Variants in NUP155 observed in about 807,000 individuals in gnomAD.
NUP155 encodes the protein nucleoporin 155, also known as nuclear pore complex protein Nup155.
NUP155 carries 71 observed loss-of-function variants against 180.4 expected under a neutral mutation model. The observed-to-expected ratio is 0.39, with a 90% CI of 0.33 to 0.48. NUP155 has a LOEUF of 0.48. Among genes scored for constraint, NUP155 ranks in the 20% least tolerant of loss-of-function variants. The probability of loss-of-function intolerance (pLI) is 0.91; values close to 1 mark genes in which losing one functional copy is unlikely to be tolerated. For missense variants in NUP155, 1,553 were observed against 1,648.9 expected (o/e 0.94, Z 1.01); for synonymous variants, 582 against 559.5 (o/e 1.04, Z -0.57).
chr5:37,317,115 G>T (rs1013973834), intron 21 of NUP155, among the ~76,000 whole-genome samples: 20 of 151,918 alleles, frequency 1.3e-4, no homozygotes, highest in Non-Finnish European at 2.9e-4. Context: ...CTTGCAGTGA[G>T]CCGAGATCAT....
At chr5:37,324,370 A>T (rs1744444868) in intron 19 of NUP155, among the ~76,000 whole-genome samples, 1 of 152,172 alleles carries the variant, frequency 6.6e-6, no homozygotes, top group African/African-American at 2.4e-5. Flanking sequence ...CCAGACCACA[A>T]TACAGAAATT....
At chr5:37,335,159 A>C (rs999807348) in intron 12 of NUP155, among the ~76,000 whole-genome samples, 1 of 144,616 alleles carries the variant, frequency 6.9e-6, no homozygotes, top group Admixed American at 6.9e-5. Flanking sequence ...CTCTGTCACA[A>C]AAAAAAAAAA....
At position 37,331,933 on chromosome 5, in the gene NUP155, G is replaced by T; in HGVS notation, c.1519-138C>A. ...CAATACAAAGTAGGCTGGGTATGGT[G>T]GCCCACATTTGTATTTCCAGCACAT... is the stretch of plus-strand genomic sequence containing the variant. On this transcript the variant is annotated intron_variant, in intron 13 of 34. Transcript: ENST00000231498. The T allele has an allele frequency of 6.1e-6, 4 of 660,408 alleles. No individual in the cohort carries two copies. In the Admixed American group the frequency reaches 9.2e-5, roughly 15 times the overall value. 40.9% of individuals were successfully genotyped at this position (660,408 alleles called of 1,614,324 possible). A position where few individuals can be genotyped will look rare whatever the true frequency, so the allele number is the denominator to read the frequency against.
In NUP155 at chr5:37,351,361, T is replaced by G. The variant is rs747335435; in HGVS notation, c.557-5A>C. 8 of 1,606,120 alleles carry G rather than the reference T, an allele frequency of 5.0e-6. No homozygotes were observed. The highest frequency in any genetic ancestry group is 5.1e-6 in the Non-Finnish European group (6 of 1,173,534). Reference sequence around the variant, plus strand: ...TATCATTAAGAACTCCAGAACCTATTTAAGAAAGAATACATAAATCAGTTT... The same window carrying G: ...TATCATTAAGAACTCCAGAACCTATGTAAGAAAGAATACATAAATCAGTTT... On this transcript the variant is annotated splice_region_variant and splice_polypyrimidine_tract_variant and intron_variant, in intron 5 of 34. Transcript: ENST00000231498.
In NUP155 at chr5:37,296,069, C is replaced by T. The variant is rs1581126790; in HGVS notation, c.3794-1604G>A. 3.4e-5 allele frequency among the ~76,000 whole-genome samples: 5 copies of T among 148,928 alleles called. No individual in the cohort carries two copies. The South Asian group carries it at 8.7e-4, about 26-fold the overall frequency. ...GAGGGAGGTGGGGGGGTCAGCCCCCCGCCCGGCCAGCCGCCCCGTCCGGGA... is the reference window on the plus strand; with the variant it reads ...GAGGGAGGTGGGGGGGTCAGCCCCCTGCCCGGCCAGCCGCCCCGTCCGGGA... On this transcript the variant is annotated intron_variant, in intron 32 of 34. Transcript: ENST00000231498.
At chr5:37,367,340 G>A (rs569539246) in intron 1 of NUP155, among the ~76,000 whole-genome samples, 4 of 151,234 alleles carry the variant, frequency 2.6e-5, no homozygotes, top group South Asian at 2.1e-4. Context: ...TCAGCCTCCC[G>A]AGATGCCAGG....
chr5:37,333,737 T>A, intron 12 of NUP155, 104 bp from the exon 13 acceptor site: 1 of 750,122 alleles, frequency 1.3e-6, no homozygotes, highest in Non-Finnish European at 2.2e-6. Flanking sequence ...AATAGTACAT[T>A]AACATGAATA....
intron 20 of NUP155, among the ~76,000 whole-genome samples, chr5:37,321,716 C>T (rs1011260262): frequency 6.6e-6 from 1 of 151,912 alleles, no homozygotes; most frequent in East Asian, 1.9e-4. Flanking sequence ...GACTCTGCCT[C>T]GGCAGGGGCA....
In NUP155 at chr5:37,318,031, T is replaced by G; in HGVS notation, c.2262A>C (p.Gly754=). 1 of 1,613,240 alleles carries G rather than the reference T, an allele frequency of 6.2e-7. No homozygotes were observed. Among genetic ancestry groups the G allele is most frequent in the Non-Finnish European group, 8.5e-7 (1 of 1,179,160 alleles). Reference sequence around the variant, plus strand: ...GTTCCTGTTGCATTTGCTGGGGATTTCCGTTTTCAGGACGCATGAATCCTA... The same window carrying G: ...GTTCCTGTTGCATTTGCTGGGGATTGCCGTTTTCAGGACGCATGAATCCTA... ...RLIGFMRPEN[G]NPQQMQQELQ... is the part of the protein sequence containing the mutation. Residue 754 remains glycine (G), a synonymous_variant, in exon 21 of 35, where the codon GGA becomes GGC. Transcript: ENST00000231498.
At chr5:37,351,403 T>C in intron 5 of NUP155, 47 bp from the exon 6 acceptor site, 1 of 1,349,736 alleles carries the variant, frequency 7.4e-7, no homozygotes, top group Non-Finnish European at 1.1e-6. Context: ...TACTCCACAG[T>C]TTTTAAAAAT....
intron 11 of NUP155, among the ~76,000 whole-genome samples, chr5:37,340,455 AG>A (rs1745640782): frequency 6.6e-6 from 1 of 152,086 alleles, no homozygotes; most frequent in African/African-American, 2.4e-5. Flanking sequence ...AAAAAAAAAA[AG>A]ATCAAAGTTG....
Position 37,298,985 on chromosome 5 carries a change from C to A in NUP155, c.3683-7G>T, listed in dbSNP as rs201643769. ...GTCACACTGTCACTCAATTCTGTAA[C>A]AAAAAGACATGTCATTTGAAACCCA... On this transcript the variant is annotated splice_region_variant and splice_polypyrimidine_tract_variant and intron_variant, in intron 31 of 34. Transcript: ENST00000231498. 2.0e-6 allele frequency: 3 copies of A among 1,511,184 alleles called. No individual in the cohort carries two copies. In the East Asian group the frequency reaches 6.8e-5, roughly 34 times the overall value. 93.6% of individuals were successfully genotyped at this position (1,511,184 alleles called of 1,614,324 possible).
At chr5:37,295,735 C>T (rs1196877564) in intron 32 of NUP155, among the ~76,000 whole-genome samples, 1 of 151,880 alleles carries the variant, frequency 6.6e-6, no homozygotes, top group East Asian at 1.9e-4. Flanking sequence ...TCTGCCCGGC[C>T]ACCCCGTCTG....
chr5:37,363,653 A>G (rs1387658809), intron 3 of NUP155, among the ~76,000 whole-genome samples: 2 of 152,184 alleles, frequency 1.3e-5, no homozygotes. Flanking sequence ...AATGGCACCT[A>G]AACCAGCAGC....
chr5:37,342,385 T>A (rs1745781689), intron 10 of NUP155, 164 bp downstream of exon 10: 15 of 579,430 alleles, frequency 2.6e-5, no homozygotes, highest in Non-Finnish European at 4.3e-5. Context: ...AGAAACAGAA[T>A]TAGAAAAATC....
chr5:37,365,021 TG>T (rs1747465294), intron 1 of NUP155, among the ~76,000 whole-genome samples: 1 of 151,838 alleles, frequency 6.6e-6, no homozygotes, highest in South Asian at 2.1e-4. Flanking sequence ...CCTAGCACTT[TG>T]GGAGGCCGAG....
chr5:37,333,570 T>C lies in NUP155; in HGVS notation c.1411A>G (p.Lys471Glu), dbSNP rs1468524069. The C allele has an allele frequency of 3.1e-6, 5 of 1,613,848 alleles. No individual in the cohort carries two copies. In the South Asian group the frequency reaches 5.5e-5, roughly 18 times the overall value. The change falls in exon 13 of 35, where the codon AAA becomes GAA. Residue 471 changes from lysine (K) to glutamate (E), a missense_variant. Lys to Glu is a moderately conservative substitution (Grantham distance 56). Coordinates refer to ENST00000231498, the MANE Select transcript of NUP155 (RefSeq NM_153485.3). Reference sequence around the variant, plus strand: ...TCCTTGTTTAAAGGTGTAATTATTTTATCTACTTTCAATTCATCTATCGCA... The same window carrying C: ...TCCTTGTTTAAAGGTGTAATTATTTCATCTACTTTCAATTCATCTATCGCA... ...LSAIDELKVDKIITPLNKDHI... is the reference protein window; with the variant it reads ...LSAIDELKVDEIITPLNKDHI...
rs765091894 is a variant in NUP155 at position 37,289,915 on chromosome 5, C to A, written c.*1985G>T. On this transcript the variant is annotated 3_prime_UTR_variant, in exon 35 of 35. Transcript: ENST00000231498. Reference sequence around the variant, plus strand: ...ACATTCACTTTACATATTCAAAAAACGCTAAACTTAAGAAACTGAAAAGTT... The same window carrying A: ...ACATTCACTTTACATATTCAAAAAAAGCTAAACTTAAGAAACTGAAAAGTT... The A allele has an allele frequency of 6.6e-6, 1 of 152,028 alleles. No homozygotes were observed. Among genetic ancestry groups the A allele is most frequent in the Non-Finnish European group, 1.5e-5 (1 of 68,014 alleles). The allele number at this position is 152,028 out of a possible 1,614,324, so 9.4% of individuals were successfully genotyped here.
rs751543459 is a variant in NUP155 at position 37,330,126 on chromosome 5, G to C, written c.1636C>G (p.Gln546Glu). 8 of 1,610,664 alleles carry C rather than the reference G, an allele frequency of 5.0e-6. No individual in the cohort carries two copies. Among genetic ancestry groups the C allele is most frequent in the Non-Finnish European group, 6.8e-6 (8 of 1,177,768 alleles). ...AGAATAAGGCAAGTTGCACAAGCCT[G>C]GTCTTCCTGTGTAAAAAGAGGAATA... is the stretch of plus-strand genomic sequence containing the variant. ...ERFFKLHQED[Q>E]ACATCLILAC... The change falls in exon 15 of 35, where the codon CAG (glutamine) becomes GAG (glutamate). Residue 546 changes from glutamine (Q) to glutamate (E), a missense_variant. Gln to Glu is a conservative substitution (Grantham distance 29). Transcript: ENST00000231498.
Sources: gnomAD v4.1 joint callset for allele counts (sites outside exome capture counted in the v4.1 genomes callset) on GRCh38, gnomAD v4.1.1 for gene constraint, MANE v1.5 for transcripts, NCBI Gene and HGNC (gene_info 2026-07-23, HGNC 2026-07-21) for gene names.